Variants in RANBP17 observed in about 807,000 individuals in gnomAD.
The protein encoded by RANBP17 is ran-binding protein 17.
A neutral mutation model predicts 141.2 loss-of-function variants in RANBP17; 158 were observed. The ratio of observed to expected loss-of-function variants is 1.12; its 90% CI spans 0.98 to 1.28. The LOEUF (loss-of-function observed/expected upper bound fraction) is 1.28, where lower values mean the gene tolerates loss of function less well. RANBP17 is among the 50% of genes most tolerant of loss of function. The probability of loss-of-function intolerance (pLI) is 0.00; values close to 1 mark genes in which losing one functional copy is unlikely to be tolerated. For synonymous variants in RANBP17, 430 were observed against 450.0 expected (o/e 0.96, Z 0.56); for missense variants, 1,438 against 1,290.7 (o/e 1.11, Z -1.75).
intron 14 of RANBP17, among the ~76,000 whole-genome samples, chr5:171,137,571 G>GGTGTGTGTGTGTGTGT (rs757634108): frequency 1.9e-4 from 12 of 63,082 alleles, no homozygotes; most frequent in African/African-American, 3.4e-4. Flanking sequence ...GTTGACTTGA[G>GGTGTGTGTGTGTGTGT]ATGTGTGTGT....
chr5:171,043,199 C>T (rs1490955323), intron 14 of RANBP17, among the ~76,000 whole-genome samples: 4 of 152,002 alleles, frequency 2.6e-5, no homozygotes, highest in African/African-American at 9.7e-5. Flanking sequence ...TTTAAGAAAA[C>T]CTAGGATCTT....
intron 25 of RANBP17, among the ~76,000 whole-genome samples, chr5:171,286,378 T>A (rs1469082871): frequency 6.6e-6 from 1 of 152,182 alleles, no homozygotes; most frequent in Admixed American, 6.5e-5. Context: ...TCTTGTTTTT[T>A]TAAAAGAGAG....
At chr5:171,194,475 A>T (rs965670313) in intron 18 of RANBP17, among the ~76,000 whole-genome samples, 12 of 152,088 alleles carry the variant, frequency 7.9e-5, no homozygotes, top group Admixed American at 3.9e-4. Context: ...TGGCCTCTGT[A>T]TCTGGCCTCT....
intron 22 of RANBP17, among the ~76,000 whole-genome samples, chr5:171,239,268 A>G (rs1190711699): frequency 1.3e-5 from 2 of 152,226 alleles, no homozygotes; most frequent in Non-Finnish European, 2.9e-5. Context: ...AGAAGAGAAT[A>G]TGCATATGGA....
chr5:171,170,365 T>C (rs914846718), intron 15 of RANBP17, among the ~76,000 whole-genome samples, 162 bp downstream of exon 15: 1 of 152,132 alleles, frequency 6.6e-6, no homozygotes, highest in Non-Finnish European at 1.5e-5. Context: ...AAACTTAATT[T>C]CACATATTGA....
intron 14 of RANBP17, among the ~76,000 whole-genome samples, chr5:171,012,078 T>TTTATTTGTGAATATA (rs1561986210): frequency 3.8e-5 from 1 of 26,144 alleles, no homozygotes; most frequent in Non-Finnish European, 1.4e-4. Flanking sequence ...GAATATATTG[T>TTTATTTGTGAATATA]TTGTTTATTT....
intron 14 of RANBP17, among the ~76,000 whole-genome samples, chr5:170,975,431 A>G (rs1027381491): frequency 6.6e-6 from 1 of 152,190 alleles, no homozygotes; most frequent in South Asian, 2.1e-4. Flanking sequence ...CTGGAGGCTG[A>G]GACAGAATTG....
At chr5:171,298,417 C>T (rs568404198) in intron 27 of RANBP17, among the ~76,000 whole-genome samples, 1 of 152,324 alleles carries the variant, frequency 6.6e-6, no homozygotes, top group African/African-American at 2.4e-5. Flanking sequence ...CAATGCCTGG[C>T]ATATAAACTT....
intron 14 of RANBP17, among the ~76,000 whole-genome samples, chr5:171,012,878 T>C (rs1246616560): frequency 6.6e-6 from 1 of 152,158 alleles, no homozygotes; most frequent in Non-Finnish European, 1.5e-5. Context: ...AATCACAGAA[T>C]AGTTACATTT....
intron 14 of RANBP17, among the ~76,000 whole-genome samples, chr5:171,126,183 A>G (rs1425956207): frequency 1.3e-5 from 2 of 152,220 alleles, no homozygotes; most frequent in East Asian, 3.9e-4. Context: ...CAAACTGTAC[A>G]AATACATGCA....
intron 5 of RANBP17, chr5:170,897,013 G>T: frequency 9.1e-7 from 1 of 1,096,254 alleles, no homozygotes; most frequent in Non-Finnish European, 1.4e-6. Context: ...AAGGGAGCAC[G>T]CCGCGGTCAG....
intron 24 of RANBP17, among the ~76,000 whole-genome samples, chr5:171,257,823 A>C (rs1236098467): frequency 6.6e-6 from 1 of 152,070 alleles, no homozygotes; most frequent in Non-Finnish European, 1.5e-5. Context: ...AATACCTAGG[A>C]AGCCAGGCAC....
At chr5:171,275,650 A>G (rs1767437026) in intron 25 of RANBP17, among the ~76,000 whole-genome samples, 1 of 152,180 alleles carries the variant, frequency 6.6e-6, no homozygotes, top group Non-Finnish European at 1.5e-5. Context: ...ACATAATAAA[A>G]TTTTATTGTC....
intron 14 of RANBP17, among the ~76,000 whole-genome samples, chr5:170,974,100 T>TA (rs1439497721): frequency 6.6e-6 from 1 of 152,170 alleles, no homozygotes; most frequent in East Asian, 1.9e-4. Context: ...CCCAAAGTCT[T>TA]AGTTTATCCT....
At chr5:170,912,407 C>T (rs1195651545) in intron 7 of RANBP17, among the ~76,000 whole-genome samples, 1 of 151,828 alleles carries the variant, frequency 6.6e-6, no homozygotes. Context: ...TTATTTTTTG[C>T]AACTGCATGT....
chr5:171,128,288 G>A (rs928860026), intron 14 of RANBP17, among the ~76,000 whole-genome samples: 4 of 152,138 alleles, frequency 2.6e-5, no homozygotes, highest in Non-Finnish European at 5.9e-5. Context: ...AGAAAATGTT[G>A]TATATATACA....
At chr5:171,009,462 T>A (rs1779877497) in intron 14 of RANBP17, among the ~76,000 whole-genome samples, 1 of 152,132 alleles carries the variant, frequency 6.6e-6, no homozygotes, top group Admixed American at 6.6e-5. Flanking sequence ...ACCCTTGAGG[T>A]AATATACAGA....
At chr5:171,017,847 G>A (rs1035358474) in intron 14 of RANBP17, among the ~76,000 whole-genome samples, 9 of 152,142 alleles carry the variant, frequency 5.9e-5, no homozygotes, top group African/African-American at 2.2e-4. Flanking sequence ...ATCCTGAATG[G>A]TGTTGGTTAG....
At chr5:170,945,238 G>T (rs1390510754) in intron 12 of RANBP17, among the ~76,000 whole-genome samples, 1 of 152,150 alleles carries the variant, frequency 6.6e-6, no homozygotes, top group African/African-American at 2.4e-5. Flanking sequence ...CTCTTTGGTA[G>T]AGAGGAAAGA....
Sources: gnomAD v4.1 joint callset for allele counts (sites outside exome capture counted in the v4.1 genomes callset) on GRCh38, gnomAD v4.1.1 for gene constraint, MANE v1.5 for transcripts, NCBI Gene and HGNC (gene_info 2026-07-23, HGNC 2026-07-21) for gene names.